LRBA: variants seen among roughly 807,000 people sequenced by gnomAD.
The protein encoded by LRBA is LPS responsive beige-like anchor protein.
Under a neutral mutation model 330.0 loss-of-function variants are expected in LRBA, and 176 were observed. That is an observed-to-expected ratio of 0.53 (90% CI 0.47 to 0.60). The LOEUF (loss-of-function observed/expected upper bound fraction) is 0.60, where lower values mean the gene tolerates loss of function less well. Among genes scored for constraint, LRBA ranks in the 20% least tolerant of loss-of-function variants. The pLI is 0.00. For synonymous variants in LRBA, 1,230 were observed against 1,193.0 expected, an observed-to-expected ratio of 1.03 and a Z score of -0.64; for missense variants, 3,259 against 3,444.8, an observed-to-expected ratio of 0.95 and a Z score of 1.35.
chr4:150,373,201 G>C (rs953053959), intron 47 of LRBA, among the ~76,000 whole-genome samples: 6 of 148,818 alleles, frequency 4.0e-5, no homozygotes, highest in African/African-American at 1.5e-4. Flanking sequence ...GAGAGAGAGA[G>C]ACTATGACCC....
chr4:150,813,987 T>C (rs1744177614), intron 31 of LRBA, among the ~76,000 whole-genome samples: 1 of 152,102 alleles, frequency 6.6e-6, no homozygotes, highest in Non-Finnish European at 1.5e-5. Flanking sequence ...GCATCTATAT[T>C]CTAAGTCACA....
At chr4:150,775,121 T>A (rs1472598850) in intron 34 of LRBA, among the ~76,000 whole-genome samples, 1 of 152,106 alleles carries the variant, frequency 6.6e-6, no homozygotes, top group Non-Finnish European at 1.5e-5. Context: ...TCCCAATGCG[T>A]TCAGGTTTTC....
chr4:150,372,244 A>C (rs949114858), intron 47 of LRBA, among the ~76,000 whole-genome samples: 7 of 152,152 alleles, frequency 4.6e-5, no homozygotes, highest in Non-Finnish European at 8.8e-5. Context: ...ATATCAATTA[A>C]TTCTCAATTT....
chr4:150,784,074 C>T (rs1011805355), intron 34 of LRBA, among the ~76,000 whole-genome samples: 6 of 152,038 alleles, frequency 3.9e-5, no homozygotes, highest in Admixed American at 1.3e-4. Context: ...TCACTCTCTG[C>T]CCAAGTTTTA....
intron 52 of LRBA, 135 bp downstream of exon 52, chr4:150,310,094 A>G (rs946032400): frequency 1.7e-6 from 1 of 603,676 alleles, no homozygotes; most frequent in Non-Finnish European, 2.9e-6. Flanking sequence ...GAGGGAAAAC[A>G]ATGCCCTCTT....
intron 37 of LRBA, among the ~76,000 whole-genome samples, chr4:150,680,409 A>G (rs1782953862): frequency 6.6e-6 from 1 of 152,246 alleles, no homozygotes; most frequent in African/African-American, 2.4e-5. Context: ...CGAGATATTA[A>G]GACACAAATT....
At chr4:150,667,091 G>T (rs1016701318) in intron 37 of LRBA, among the ~76,000 whole-genome samples, 1 of 152,022 alleles carries the variant, frequency 6.6e-6, no homozygotes, top group African/African-American at 2.4e-5. Flanking sequence ...AAAAGCTAAC[G>T]GTCTTAATCA....
At chr4:150,829,610 C>T (rs1248651441) in intron 29 of LRBA, among the ~76,000 whole-genome samples, 1 of 152,210 alleles carries the variant, frequency 6.6e-6, no homozygotes, top group Non-Finnish European at 1.5e-5. Flanking sequence ...ACTTCACTGA[C>T]TGTTCCTTCT....
intron 47 of LRBA, among the ~76,000 whole-genome samples, chr4:150,402,409 G>A (rs544011034): frequency 3.9e-5 from 6 of 151,952 alleles, no homozygotes; most frequent in Admixed American, 2.6e-4. Flanking sequence ...AGAAAGAAGC[G>A]GGGAAGAAAA....
At chr4:150,334,174 T>G (rs952508603) in intron 48 of LRBA, among the ~76,000 whole-genome samples, 3 of 152,112 alleles carry the variant, frequency 2.0e-5, no homozygotes, top group Non-Finnish European at 4.4e-5. Flanking sequence ...ATATTTTAAA[T>G]GCCTGAGAAA....
At chr4:150,542,529 C>A (rs1765421441) in intron 40 of LRBA, among the ~76,000 whole-genome samples, 1 of 152,090 alleles carries the variant, frequency 6.6e-6, no homozygotes, top group African/African-American at 2.4e-5. Flanking sequence ...ATGACCAAAT[C>A]AGACATAAAC....
chr4:150,677,019 T>G (rs1029907741), intron 37 of LRBA, among the ~76,000 whole-genome samples: 5 of 152,186 alleles, frequency 3.3e-5, no homozygotes, highest in African/African-American at 1.2e-4. Flanking sequence ...CTAGTTATGA[T>G]AAAATATTTT....
intron 48 of LRBA, among the ~76,000 whole-genome samples, chr4:150,338,299 C>T (rs963471971): frequency 2.0e-5 from 3 of 151,998 alleles, no homozygotes; most frequent in Admixed American, 1.3e-4. Context: ...GTTCCATTTT[C>T]AAAAGGAAAT....
At chr4:150,744,342 CA>C (rs1732412135) in intron 35 of LRBA, among the ~76,000 whole-genome samples, 1 of 152,160 alleles carries the variant, frequency 6.6e-6, no homozygotes, top group Admixed American at 6.5e-5. Context: ...TACTAGTCCC[CA>C]AACAAGTAAC....
chr4:150,900,419 A>G (rs927662241), intron 13 of LRBA, among the ~76,000 whole-genome samples: 3 of 152,196 alleles, frequency 2.0e-5, no homozygotes, highest in African/African-American at 7.2e-5. Flanking sequence ...CAAACCAGGT[A>G]ATTTCTTCTT....
At chr4:150,690,539 T>C (rs1412713195) in intron 36 of LRBA, among the ~76,000 whole-genome samples, 1 of 151,508 alleles carries the variant, frequency 6.6e-6, no homozygotes, top group Non-Finnish European at 1.5e-5. Flanking sequence ...CAAAGTAACT[T>C]TAGAAAACAA....
chr4:150,864,746 A>C (rs1752461826), intron 22 of LRBA, among the ~76,000 whole-genome samples: 1 of 148,910 alleles, frequency 6.7e-6, no homozygotes, highest in Non-Finnish European at 1.5e-5. Context: ...TCCTGGGTTC[A>C]GGCAATTCTC....
At chr4:150,268,179 G>A (rs576698573) in intron 56 of LRBA, among the ~76,000 whole-genome samples, 120 of 152,002 alleles carry the variant, frequency 7.9e-4, no homozygotes, top group Admixed American at 1.4e-3. Flanking sequence ...CAACAAATAG[G>A]GCAACCTAGA....
intron 48 of LRBA, among the ~76,000 whole-genome samples, chr4:150,345,741 C>T (rs903011301): frequency 6.6e-6 from 1 of 152,160 alleles, no homozygotes; most frequent in African/African-American, 2.4e-5. Context: ...TTATATCAAA[C>T]TGCATTATAC....
Sources: gnomAD v4.1 joint callset for allele counts (sites outside exome capture counted in the v4.1 genomes callset) on GRCh38, gnomAD v4.1.1 for gene constraint, MANE v1.5 for transcripts, NCBI Gene and HGNC (gene_info 2026-07-23, HGNC 2026-07-21) for gene names.